Variants in SORCS2 observed in about 807,000 individuals in gnomAD.
SORCS2 encodes the protein sortilin related VPS10 domain containing receptor 2.
Under a neutral mutation model 141.6 loss-of-function variants are expected in SORCS2, and 100 were observed. The observed-to-expected ratio is 0.71, with a 90% confidence interval of 0.60 to 0.83. The LOEUF (loss-of-function observed/expected upper bound fraction) is 0.83. Among genes scored for constraint, SORCS2 ranks in the 40% least tolerant of loss-of-function variants. The probability of loss-of-function intolerance (pLI) is 0.00; values close to 1 mark genes in which losing one functional copy is unlikely to be tolerated. For synonymous variants in SORCS2, 789 were observed against 676.9 expected (o/e 1.17, Z -2.57); for missense variants, 1,646 against 1,560.2 (o/e 1.05, Z -0.93).
intron 10 of SORCS2, 150 bp downstream of exon 10, chr4:7,683,039 C>T: frequency 9.9e-7 from 1 of 1,010,648 alleles, no homozygotes. Flanking sequence ...TAGAGAGGGT[C>T]AAATGAAACT....
chr4:7,326,245 G>C lies in SORCS2; in HGVS notation c.481-70043G>C, dbSNP rs536856059. On this transcript the variant is annotated intron_variant, in intron 1 of 26. Transcript: ENST00000507866. The stretch of plus-strand genomic sequence containing the variant: ...AGAGGGTTCTGTCCTGCTGGCAGGA[G>C]GGTGTGGGGGTGCTCAGCAGGGGTG... 2.0e-4 allele frequency among the ~76,000 whole-genome samples: 30 copies of C among 152,200 alleles called. No individual in the cohort carries two copies. The South Asian group carries it at 6.2e-3, about 32-fold the overall frequency.
At chr4:7,672,506 A>G (rs1222824255) in intron 8 of SORCS2, among the ~76,000 whole-genome samples, 1 of 152,218 alleles carries the variant, frequency 6.6e-6, no homozygotes, top group East Asian at 1.9e-4. Context: ...AACTTTTCCA[A>G]AATTACTCAT....
chr4:7,722,430 C>T (rs1227206594), intron 18 of SORCS2, among the ~76,000 whole-genome samples: 1 of 152,196 alleles, frequency 6.6e-6, no homozygotes, highest in African/African-American at 2.4e-5. Flanking sequence ...TTCCTAGGGA[C>T]CCCATAACAA....
At chr4:7,738,435 C>T (rs1218598436) in intron 26 of SORCS2, among the ~76,000 whole-genome samples, 1 of 152,218 alleles carries the variant, frequency 6.6e-6, no homozygotes, top group Non-Finnish European at 1.5e-5. Flanking sequence ...GTGAACGGAG[C>T]TGGAAGTCAC....
chr4:7,223,779 C>G (rs1342298317), intron 1 of SORCS2, among the ~76,000 whole-genome samples: 2 of 152,204 alleles, frequency 1.3e-5, no homozygotes, highest in Non-Finnish European at 2.9e-5. Context: ...GATGCCTGGT[C>G]TGGCCTGTGG....
chr4:7,265,788 C>T (rs1328629641), intron 1 of SORCS2, among the ~76,000 whole-genome samples: 1 of 152,192 alleles, frequency 6.6e-6, no homozygotes, highest in African/African-American at 2.4e-5. Flanking sequence ...TTCGCAGGGG[C>T]AGGTATCAGG....
intron 3 of SORCS2, among the ~76,000 whole-genome samples, chr4:7,617,350 A>G (rs1718834617): frequency 6.6e-6 from 1 of 152,050 alleles, no homozygotes. Context: ...ATCCATCAAT[A>G]TATGCACCTA....
chr4:7,403,457 A>G (rs1724725291), intron 2 of SORCS2, among the ~76,000 whole-genome samples: 1 of 152,036 alleles, frequency 6.6e-6, no homozygotes, highest in African/African-American at 2.4e-5. Context: ...GTCAGGTTCA[A>G]CCTCAGTGGG....
intron 2 of SORCS2, among the ~76,000 whole-genome samples, chr4:7,399,591 C>T (rs958775915): frequency 1.3e-5 from 2 of 152,070 alleles, no homozygotes; most frequent in African/African-American, 2.4e-5. Context: ...CCCCTTGAAT[C>T]GGTGCAAAAG....
chr4:7,246,139 G>C (rs1443817800), intron 1 of SORCS2, among the ~76,000 whole-genome samples: 1 of 152,204 alleles, frequency 6.6e-6, no homozygotes, highest in African/African-American at 2.4e-5. Flanking sequence ...TCAGTCCTGG[G>C]TGAGTACTGA....
intron 3 of SORCS2, among the ~76,000 whole-genome samples, chr4:7,541,538 G>T (rs922323235): frequency 1.3e-5 from 2 of 152,236 alleles, no homozygotes; most frequent in Non-Finnish European, 2.9e-5. Flanking sequence ...CCTGAGCCAG[G>T]CTTGCTTATG....
At position 7,472,836 on chromosome 4, in the gene SORCS2, G is replaced by A. The variant is rs142925658; in HGVS notation, c.549-58694G>A. ...ACCTGGTTTGATTGGGGCGAGGGCG[G>A]AATTAACAGAACAAAACTGCCTTCG... is the stretch of plus-strand genomic sequence containing the variant. On this transcript the variant is annotated intron_variant, in intron 2 of 26. Coordinates refer to ENST00000507866, the MANE Select transcript of SORCS2 (RefSeq NM_020777.3). 6.1e-3 allele frequency among the ~76,000 whole-genome samples: 935 copies of A among 152,044 alleles called. 16 individuals are homozygous for A. Among genetic ancestry groups the A allele is most frequent in the African/African-American group, 0.021 (883 of 41,438 alleles).
rs1711521540 is a variant in SORCS2, at chr4:7,729,672, C to G, written c.3068C>G (p.Pro1023Arg). 4.4e-6 allele frequency: 7 copies of G among 1,609,156 alleles called. No homozygotes were observed. The highest frequency in any genetic ancestry group is 2.7e-5 in the African/African-American group (2 of 74,798). Reference protein sequence around the residue: ...TLADLYVLLPPPRPTRKRSLS... With the variant: ...TLADLYVLLPRPRPTRKRSLS... ...GCCGATCTGTACGTGCTCCTGCCCC[C>G]TCCCAGGCCCACAAGGAAGAGGAGC... The change falls in exon 23 of 27, where the codon CCT (proline) becomes CGT (arginine). Residue 1023 changes from proline (P) to arginine (R), a missense_variant. By Grantham distance (103) the Pro-to-Arg change is moderately radical. Transcript: ENST00000507866.
intron 3 of SORCS2, among the ~76,000 whole-genome samples, chr4:7,538,681 C>T (rs149268742): frequency 2.0e-4 from 30 of 152,290 alleles, no homozygotes; most frequent in Non-Finnish European, 4.3e-4. Flanking sequence ...CACCCTGGCC[C>T]ACCCACCATA....
intron 2 of SORCS2, among the ~76,000 whole-genome samples, chr4:7,446,907 G>C (rs1728038737): frequency 6.6e-6 from 1 of 152,178 alleles, no homozygotes; most frequent in East Asian, 1.9e-4. Context: ...AGAAACTGAG[G>C]CTCACCCTAG....
intron 5 of SORCS2, 71 bp from the exon 6 acceptor site, chr4:7,661,429 G>C (rs1362104884): frequency 6.7e-7 from 1 of 1,501,930 alleles, no homozygotes; most frequent in East Asian, 2.5e-5. Flanking sequence ...GCTGCAGGGA[G>C]TGTGGGGAGC....
At chr4:7,556,937 A>G (rs1479413134) in intron 3 of SORCS2, among the ~76,000 whole-genome samples, 1 of 38,490 alleles carries the variant, frequency 2.6e-5, no homozygotes, top group Admixed American at 3.0e-4. Flanking sequence ...CCACCCATCC[A>G]TCCACCCACT....
intron 1 of SORCS2, among the ~76,000 whole-genome samples, chr4:7,299,035 C>T (rs898950060): frequency 6.6e-6 from 1 of 152,260 alleles, no homozygotes; most frequent in Non-Finnish European, 1.5e-5. Flanking sequence ...CCGTTCTGGC[C>T]CCGCCACCCC....
chr4:7,530,053 G>A lies in SORCS2; in HGVS notation c.549-1477G>A, dbSNP rs981741179. ...ACATTCTGGGGACCTGTGGCCACGTGGCCAGCATGCCCAGAGATGATAAAC... is the reference window on the plus strand; with the variant it reads ...ACATTCTGGGGACCTGTGGCCACGTAGCCAGCATGCCCAGAGATGATAAAC... On this transcript the variant is annotated intron_variant, in intron 2 of 26. Transcript: ENST00000507866. 2.6e-5 allele frequency among the ~76,000 whole-genome samples: 4 copies of A among 152,300 alleles called. No individual in the cohort carries two copies. The East Asian group carries it at 7.7e-4, about 29-fold the overall frequency.
Sources: allele counts gnomAD v4.1 joint callset (sites outside exome capture counted in the v4.1 genomes callset), GRCh38; gene constraint gnomAD v4.1.1; transcripts MANE v1.5; gene names NCBI Gene and HGNC (gene_info 2026-07-23, HGNC 2026-07-21).